The following NTNG1 variants were observed in gnomAD, a reference collection of about 807,000 sequenced individuals.
NTNG1 encodes the protein netrin G1.
In NTNG1, 16 loss-of-function variants were observed where a neutral mutation model predicts 54.0. That is an observed-to-expected ratio of 0.30 (90% CI 0.20 to 0.45). The LOEUF (loss-of-function observed/expected upper bound fraction) is 0.45, where lower values mean the gene tolerates loss of function less well. NTNG1 is among the 20% of genes least tolerant of loss of function. The pLI, the probability that NTNG1 is intolerant of heterozygous loss-of-function variation, is 1.00. For missense variants in NTNG1, 530 were observed against 678.7 expected, an observed-to-expected ratio of 0.78 and a Z score of 2.43; for synonymous variants, 255 against 263.1, an observed-to-expected ratio of 0.97 and a Z score of 0.30.
intron 3 of NTNG1, among the ~76,000 whole-genome samples, chr1:107,378,867 C>T (rs747334424): frequency 2.0e-5 from 3 of 152,150 alleles, no homozygotes; most frequent in Non-Finnish European, 4.4e-5. Context: ...TGCACAGTCC[C>T]CCCACACATG....
intron 7 of NTNG1, among the ~76,000 whole-genome samples, chr1:107,468,183 CT>C (rs1311931159): frequency 2.0e-5 from 3 of 152,128 alleles, no homozygotes; most frequent in African/African-American, 7.2e-5. Context: ...TTAAATATCC[CT>C]GCTGTTTAAA....
At chr1:107,474,636 AG>A (rs1311800439) in intron 7 of NTNG1, among the ~76,000 whole-genome samples, 1 of 152,218 alleles carries the variant, frequency 6.6e-6, no homozygotes, top group East Asian at 1.9e-4. Context: ...ACAATTCTGG[AG>A]GCTGACAAGC....
chr1:107,359,851 A>C (rs4593852), intron 3 of NTNG1, among the ~76,000 whole-genome samples: 96,477 of 152,008 alleles, frequency 0.63, 30,945 homozygotes, highest in East Asian at 0.7. Flanking sequence ...GTGGAAATAC[A>C]TATTTATAGA....
Position 107,430,819 on chromosome 1 carries a change from GC to G in NTNG1, c.1158del (p.Cys387ValfsTer32). 3.1e-6 allele frequency: 5 copies of G among 1,613,258 alleles called. No individual in the cohort carries two copies. The highest frequency in any genetic ancestry group is 4.2e-6 in the Non-Finnish European group (5 of 1,179,616). ...CTGCTAAATACAGTCATTTGCGTGA[GC>G]TGTAAACACAACACTAGAGGGCAGC... ...IDLLNTVICV[S>X]CKHNTRGQHC... On this transcript the variant is annotated frameshift_variant, in exon 6 of 8. Transcript: ENST00000370068. LOFTEE classifies it high-confidence loss of function.
intron 2 of NTNG1, among the ~76,000 whole-genome samples, chr1:107,159,991 G>A (rs897891973): frequency 6.6e-6 from 1 of 152,156 alleles, no homozygotes; most frequent in East Asian, 1.9e-4. Flanking sequence ...AGAATAATAA[G>A]TCAGCAACTG....
chr1:107,146,099 CAA>C (rs376455771), intron 1 of NTNG1, among the ~76,000 whole-genome samples: 253 of 152,040 alleles, frequency 1.7e-3, no homozygotes, highest in African/African-American at 6.0e-3. Context: ...AGGAAGCACT[CAA>C]ATATATTTAA....
intron 3 of NTNG1, among the ~76,000 whole-genome samples, chr1:107,327,459 A>C (rs1045514849): frequency 3.3e-5 from 5 of 152,100 alleles, no homozygotes; most frequent in African/African-American, 1.2e-4. Context: ...AATGGTCTAG[A>C]TTGTCTTTCT....
intron 2 of NTNG1, among the ~76,000 whole-genome samples, chr1:107,198,725 C>T (rs936459222): frequency 1.3e-5 from 2 of 151,788 alleles, no homozygotes; most frequent in African/African-American, 4.8e-5. Context: ...CTTTGGGTCT[C>T]AGTTTTCTCA....
intron 2 of NTNG1, among the ~76,000 whole-genome samples, chr1:107,222,414 T>G (rs923179666): frequency 1.8e-4 from 28 of 152,320 alleles, no homozygotes; most frequent in African/African-American, 6.3e-4. Context: ...CATTCATGTC[T>G]TATCTGTACA....
At chr1:107,356,918 T>A (rs1669967395) in intron 3 of NTNG1, among the ~76,000 whole-genome samples, 1 of 152,048 alleles carries the variant, frequency 6.6e-6, no homozygotes. Flanking sequence ...CATGAGGATC[T>A]CCTGAACCCA....
At chr1:107,302,311 C>G (rs1441649952) in intron 2 of NTNG1, among the ~76,000 whole-genome samples, 1 of 152,156 alleles carries the variant, frequency 6.6e-6, no homozygotes, top group Non-Finnish European at 1.5e-5. Flanking sequence ...CACAAATTCA[C>G]TCTTCCTGCT....
chr1:107,293,882 T>C (rs1175114364), intron 2 of NTNG1, among the ~76,000 whole-genome samples: 2 of 126,900 alleles, frequency 1.6e-5, no homozygotes, highest in African/African-American at 5.7e-5. Context: ...GGTGCACTTA[T>C]AAGTGATTTT....
chr1:107,281,858 AAAG>A (rs1195819674), intron 2 of NTNG1, among the ~76,000 whole-genome samples: 2 of 152,168 alleles, frequency 1.3e-5, no homozygotes, highest in Non-Finnish European at 2.9e-5. Flanking sequence ...ATTCCCAATG[AAAG>A]AAGGAGTATA....
At chr1:107,275,145 G>C (rs1033765645) in intron 2 of NTNG1, among the ~76,000 whole-genome samples, 5 of 152,176 alleles carry the variant, frequency 3.3e-5, no homozygotes, top group Admixed American at 6.5e-5. Context: ...GGGAGGCTAA[G>C]GCAGGTGGAT....
intron 5 of NTNG1, among the ~76,000 whole-genome samples, chr1:107,410,941 G>T (rs1673758433): frequency 6.6e-6 from 1 of 152,130 alleles, no homozygotes; most frequent in African/African-American, 2.4e-5. Flanking sequence ...AAAACTGAAT[G>T]ACAGATGAGT....
At chr1:107,455,625 G>A (rs1367502160) in intron 7 of NTNG1, 1 of 496,776 alleles carries the variant, frequency 2.0e-6, no homozygotes, top group Non-Finnish European at 4.0e-6. Context: ...ACAGCTCTGT[G>A]GTGAGATGGA....
intron 7 of NTNG1, among the ~76,000 whole-genome samples, chr1:107,456,513 A>G (rs1571000707): frequency 6.6e-6 from 1 of 152,264 alleles, no homozygotes; most frequent in East Asian, 1.9e-4. Context: ...TAAATCAGCC[A>G]TGCCTCTCTC....
chr1:107,148,790 A>G lies in NTNG1; in HGVS notation c.197A>G (p.Asp66Gly), dbSNP rs370187244. 2 of 1,613,624 alleles carry G rather than the reference A, an allele frequency of 1.2e-6. No individual in the cohort carries two copies. The highest frequency in any genetic ancestry group is 1.7e-6 in the Non-Finnish European group (2 of 1,179,692). Reference sequence around the variant, plus strand: ...ACAAAATATCTGAAAGTGAAACTCGATCCTCCGGATATTACCTGTGGAGAC... The same window carrying G: ...ACAAAATATCTGAAAGTGAAACTCGGTCCTCCGGATATTACCTGTGGAGAC... ...DMTKYLKVKL[D>G]PPDITCGDPP... The change falls in exon 2 of 8, where the codon GAT becomes GGT. Residue 66 changes from aspartate to glycine, a missense_variant. This residue lies in a region of NTNG1 where 318 missense variants were observed against 465.1 expected (regional missense o/e 0.68). Transcript: ENST00000370068.
intron 1 of NTNG1, among the ~76,000 whole-genome samples, chr1:107,145,271 T>C (rs1166072725): frequency 6.6e-6 from 1 of 152,054 alleles, no homozygotes; most frequent in Admixed American, 6.6e-5. Context: ...AACTCTGTAA[T>C]TATACTTTAA....
Sources: gnomAD v4.1 joint callset for allele counts (sites outside exome capture counted in the v4.1 genomes callset) on GRCh38, gnomAD v4.1.1 for gene constraint, gnomAD v4.1.1 regional missense constraint, MANE v1.5 for transcripts, NCBI Gene and HGNC (gene_info 2026-07-23, HGNC 2026-07-21) for gene names.